Variants in LARP4 observed in about 807,000 individuals in gnomAD.
LARP4 encodes the protein La ribonucleoprotein 4, also known as la-related protein 4.
A neutral mutation model predicts 92.9 loss-of-function variants in LARP4; 29 were observed. The observed-to-expected ratio is 0.31, with a 90% CI of 0.23 to 0.43. The LOEUF (loss-of-function observed/expected upper bound fraction) is 0.43. Ranked by LOEUF, LARP4 falls within the 20% of genes least tolerant of loss-of-function variation. The pLI is 1.00. For missense variants in LARP4, 732 were observed against 860.0 expected (o/e 0.85, Z 1.86); for synonymous variants, 279 against 284.1 (o/e 0.98, Z 0.18).
At chr12:50,453,155 TCC>T (rs1953571692) in intron 8 of LARP4, among the ~76,000 whole-genome samples, 1 of 151,210 alleles carries the variant, frequency 6.6e-6, no homozygotes, top group Admixed American at 6.6e-5. Context: ...GCTCATGCGA[TCC>T]TACCCCCTTG....
At chr12:50,420,814 C>G (rs1354403936) in intron 1 of LARP4, 3 of 151,858 alleles carry the variant, frequency 2.0e-5, no homozygotes, top group Admixed American at 2.0e-4. Flanking sequence ...AAGAAAACTC[C>G]GAGATGCAAG....
rs1214234131 is a variant in LARP4 at position 50,454,158 on chromosome 12, AC to A, written c.1018-155del. Among the ~76,000 whole-genome samples, 3 of 152,284 alleles carry A rather than the reference AC, an allele frequency of 2.0e-5. No individual in the cohort carries two copies. The East Asian group carries it at 5.8e-4, about 29-fold the overall frequency. On this transcript the variant is annotated intron_variant, in intron 9 of 15. Coordinates refer to ENST00000398473, the MANE Select transcript of LARP4 (RefSeq NM_052879.5). Reference sequence around the variant, plus strand: ...ATGAATTGTTCATAAATCCAGTGGTACTTGAAGTGAATATTGCAGAAATGAA... The same window carrying A: ...ATGAATTGTTCATAAATCCAGTGGTATTGAAGTGAATATTGCAGAAATGAA...
intron 1 of LARP4, chr12:50,421,208 C>T: frequency 1.1e-6 from 1 of 870,902 alleles, no homozygotes; most frequent in Non-Finnish European, 1.4e-6. Context: ...CTTGGCCTCT[C>T]AAAGTGCTTT....
rs1012137791 is a variant in LARP4, at chr12:50,406,251, C to T, written c.18+5223C>T. Among the ~76,000 whole-genome samples the T allele has an allele frequency of 4.6e-5, 7 of 152,114 alleles. 1 individual carries two copies. Among genetic ancestry groups the T allele is most frequent in the Admixed American group, 4.6e-4 (7 of 15,254 alleles). ...TTGGGAGGCCGAGGTGGGAGGATAG[C>T]TTGAGCCCAGTAGTTCAAGACCAGC... On this transcript the variant is annotated intron_variant, in intron 1 of 15. Transcript: ENST00000398473.
chr12:50,435,591 A>G lies in LARP4; in HGVS notation c.502A>G (p.Thr168Ala), dbSNP rs754471636. The part of the protein sequence containing the change: ...ANMEEIKKLT[T>A]DPDLILEVLR... Reference sequence around the variant, plus strand: ...CATGGAAGAAATAAAAAAGTTGACTACAGACCCTGATCTAATTCTTGAAGT... The same window carrying G: ...CATGGAAGAAATAAAAAAGTTGACTGCAGACCCTGATCTAATTCTTGAAGT... Residue 168 changes from threonine (T) to alanine (A), a missense_variant, in exon 5 of 16, where the codon ACA becomes GCA. Around this residue, in one of 7 missense-constraint regions of LARP4, gnomAD observed 236 missense variants for 307.6 expected, o/e 0.77. Coordinates refer to ENST00000398473, the MANE Select transcript of LARP4 (RefSeq NM_052879.5). 3.1e-6 allele frequency: 5 copies of G among 1,607,644 alleles called. No homozygotes were observed. Among genetic ancestry groups the G allele is most frequent in the South Asian group, 1.1e-5 (1 of 90,776 alleles).
At chr12:50,402,975 A>G (rs1944150691) in intron 1 of LARP4, among the ~76,000 whole-genome samples, 1 of 152,238 alleles carries the variant, frequency 6.6e-6, no homozygotes, top group Non-Finnish European at 1.5e-5. Flanking sequence ...ATGTGGTATT[A>G]AAATCAGTGA....
chr12:50,409,030 CAGAA>C (rs1945364409), intron 1 of LARP4, among the ~76,000 whole-genome samples: 1 of 151,446 alleles, frequency 6.6e-6, no homozygotes. Context: ...ATTTATAGGG[CAGAA>C]AGTTGCAGTT....
intron 4 of LARP4, 55 bp downstream of exon 4, chr12:50,430,625 A>T: frequency 9.8e-7 from 1 of 1,021,460 alleles, no homozygotes. Flanking sequence ...ATACGTGTGA[A>T]ATAGAGCGCA....
chr12:50,435,646 C>CT (rs752414607), intron 5 of LARP4, 22 bp downstream of exon 5: 323 of 1,505,872 alleles, frequency 2.1e-4, no homozygotes, highest in African/African-American at 3.5e-4. Flanking sequence ...TACCTTTTAG[C>CT]TTTTTTTTTA....
At chr12:50,474,507 C>G (rs1392654382) in intron 15 of LARP4, among the ~76,000 whole-genome samples, 1 of 152,140 alleles carries the variant, frequency 6.6e-6, no homozygotes, top group African/African-American at 2.4e-5. Flanking sequence ...ACCACTATGC[C>G]TGGCTAATTT....
At chr12:50,404,681 G>GTTTTTTTTTTTTTTTTTTT (rs1162590362) in intron 1 of LARP4, among the ~76,000 whole-genome samples, 1 of 67,356 alleles carries the variant, frequency 1.5e-5, no homozygotes, top group Non-Finnish European at 3.1e-5. Context: ...GGTTCAAGCA[G>GTTTTTTTTTTTTTTTTTTT]TTTTTTTTTT....
intron 8 of LARP4, among the ~76,000 whole-genome samples, chr12:50,452,563 GTTCCC>G (rs1161384567): frequency 6.6e-6 from 1 of 152,174 alleles, no homozygotes; most frequent in Non-Finnish European, 1.5e-5. Flanking sequence ...GTGTACAAAA[GTTCCC>G]TTTTCTCCAT....
At chr12:50,452,029 A>C (rs1336984954) in intron 8 of LARP4, among the ~76,000 whole-genome samples, 1 of 152,000 alleles carries the variant, frequency 6.6e-6, no homozygotes, top group Non-Finnish European at 1.5e-5. Context: ...AAACAACTGA[A>C]TGGTATTCCA....
In LARP4 at chr12:50,408,490, C is replaced by T. The variant is rs115493913; in HGVS notation, c.18+7462C>T. Among the ~76,000 whole-genome samples, 1,225 of 152,200 alleles carry T rather than the reference C, an allele frequency of 8.0e-3. 19 individuals carry two copies. Among genetic ancestry groups the T allele is most frequent in the African/African-American group, 0.028 (1,165 of 41,524 alleles). Reference sequence around the variant, plus strand: ...GGGACTACAGGCATGAGCCACCGCACCCGGCGAGAAAAGGATTTCTCGTCA... The same window carrying T: ...GGGACTACAGGCATGAGCCACCGCATCCGGCGAGAAAAGGATTTCTCGTCA... On this transcript the variant is annotated intron_variant, in intron 1 of 15. Transcript: ENST00000398473.
At chr12:50,407,843 A>G (rs974409462) in intron 1 of LARP4, among the ~76,000 whole-genome samples, 16 of 152,188 alleles carry the variant, frequency 1.1e-4, no homozygotes, top group Admixed American at 4.6e-4. Flanking sequence ...TAATTAAAGG[A>G]ATACAAATGT....
At position 50,472,835 on chromosome 12, in the gene LARP4, T is replaced by G. The variant is rs184445398; in HGVS notation, c.1546-580T>G. Among the ~76,000 whole-genome samples the G allele has an allele frequency of 4.9e-3, 738 of 151,540 alleles. 11 individuals are homozygous for G. Among genetic ancestry groups the G allele is most frequent in the Admixed American group, 0.015 (231 of 15,198 alleles). On this transcript the variant is annotated intron_variant, in intron 13 of 15. Coordinates refer to ENST00000398473, the MANE Select transcript of LARP4 (RefSeq NM_052879.5). ...TCCCTATGTTTAACTTTTTTTTTTT[T>G]TTGGGACGGAGTCTCGCACTGTAGC...
chr12:50,472,746 C>A (rs1220248656), intron 13 of LARP4, among the ~76,000 whole-genome samples: 3 of 151,856 alleles, frequency 2.0e-5, no homozygotes, highest in African/African-American at 4.8e-5. Flanking sequence ...CTCCTGGGCT[C>A]AAGCAGTCCT....
chr12:50,462,222 C>T (rs1012231264), intron 11 of LARP4, among the ~76,000 whole-genome samples: 2 of 152,022 alleles, frequency 1.3e-5, no homozygotes, highest in Non-Finnish European at 2.9e-5. Context: ...GTGGCTCACG[C>T]CTGTAATCCC....
intron 8 of LARP4, among the ~76,000 whole-genome samples, chr12:50,446,052 G>A (rs1463757341): frequency 2.7e-5 from 4 of 147,276 alleles, no homozygotes; most frequent in African/African-American, 1.0e-4. Context: ...GCCCAGGCTG[G>A]AGTGCAGTGG....
Sources: gnomAD v4.1 joint callset for allele counts (sites outside exome capture counted in the v4.1 genomes callset) on GRCh38, gnomAD v4.1.1 for gene constraint, gnomAD v4.1.1 regional missense constraint, MANE v1.5 for transcripts, NCBI Gene and HGNC (gene_info 2026-07-23, HGNC 2026-07-21) for gene names.